Variants in USH2A observed in about 807,000 individuals in gnomAD.
USH2A encodes the protein usherin.
In USH2A, 443 loss-of-function variants were observed where a neutral mutation model predicts 538.9. That is an observed-to-expected ratio of 0.82 (90% confidence interval 0.76 to 0.89). USH2A has a LOEUF of 0.89. Ranked by LOEUF, USH2A falls within the 40% of genes least tolerant of loss-of-function variation. The pLI is 0.00. For missense variants in USH2A, 6,633 were observed against 6,324.8 expected, an observed-to-expected ratio of 1.05 and a Z score of -1.65; for synonymous variants, 2,413 against 2,273.5, an observed-to-expected ratio of 1.06 and a Z score of -1.75.
chr1:215,786,487 A>C (rs1211028639), intron 52 of USH2A, among the ~76,000 whole-genome samples, 183 bp downstream of exon 52: 1 of 152,248 alleles, frequency 6.6e-6, no homozygotes, highest in Non-Finnish European at 1.5e-5. Flanking sequence ...ATTTTAAAGT[A>C]CTGACTTTGA....
intron 3 of USH2A, among the ~76,000 whole-genome samples, chr1:216,377,504 T>C (rs982293839): frequency 6.6e-6 from 1 of 152,158 alleles, no homozygotes; most frequent in Non-Finnish European, 1.5e-5. Flanking sequence ...GATAGTGGCA[T>C]TGATTTAGAC....
At chr1:215,997,165 G>A (rs1338526164) in intron 34 of USH2A, among the ~76,000 whole-genome samples, 6 of 152,116 alleles carry the variant, frequency 3.9e-5, no homozygotes, top group Non-Finnish European at 8.8e-5. Flanking sequence ...ACAGAGTTAA[G>A]TAAAAACCCT....
chr1:215,688,832 G>C lies in USH2A; in HGVS notation c.12067-8456C>G, dbSNP rs1227472212. Among the ~76,000 whole-genome samples the C allele has an allele frequency of 2.0e-5, 3 of 152,048 alleles. No individual in the cohort carries two copies. In the East Asian group the frequency reaches 5.8e-4, roughly 29 times the overall value. ...AGTCACCTTGGGGGTTAGGGCTCCA[G>C]TGTATGCATTTTGGGAGGAACACAA... On this transcript the variant is annotated intron_variant, in intron 61 of 71. Transcript: ENST00000307340.
In USH2A at chr1:216,292,145, A is replaced by G. The variant is rs369333358; in HGVS notation, c.1840+30T>C. ...GTAGATAGAAGCACACAGGCCTCCA[A>G]ACCAACTCAGGAATTTATTTGCTAC... On this transcript the variant is annotated intron_variant, in intron 10 of 71. Coordinates refer to ENST00000307340, the MANE Select transcript of USH2A (RefSeq NM_206933.4). The G allele has an allele frequency of 2.4e-5, 39 of 1,613,118 alleles. No individual in the cohort carries two copies. In the African/African-American group the frequency reaches 5.2e-4, roughly 21 times the overall value.
At chr1:215,634,417 G>T (rs1656405664) in intron 70 of USH2A, 42 bp downstream of exon 70, 6 of 1,613,706 alleles carry the variant, frequency 3.7e-6, no homozygotes, top group Non-Finnish European at 5.1e-6. Context: ...AAGTATTCTA[G>T]TCCAGTGATA....
Position 215,629,115 on chromosome 1 carries a change from T to C in USH2A, c.15298-80A>G, listed in dbSNP as rs180958836. The stretch of plus-strand genomic sequence containing the variant: ...ATGACAGAGAATTGTGTCTCACACA[T>C]TGTCAGTGAAGGGAATGACTGTCTC... On this transcript the variant is annotated intron_variant, in intron 70 of 71. Coordinates refer to ENST00000307340, the MANE Select transcript of USH2A (RefSeq NM_206933.4). 253 of 1,383,142 alleles carry C rather than the reference T, an allele frequency of 1.8e-4. 1 individual carries two copies. The highest frequency in any genetic ancestry group is 1.5e-3 in the Middle Eastern group (6 of 4,032). The allele number at this position is 1,383,142 out of a possible 1,614,324, so 85.7% of individuals were successfully genotyped here.
In USH2A at chr1:215,875,109, G is replaced by A. The variant is rs569280830; in HGVS notation, c.8681+2649C>T. On this transcript the variant is annotated intron_variant, in intron 43 of 71. Transcript: ENST00000307340. ...ACCAAACAAAATCACTTCCTTTAAA[G>A]AGAAAAATATCCTGCCCGCCAGGGG... Among the ~76,000 whole-genome samples the A allele has an allele frequency of 2.2e-4, 34 of 152,244 alleles. 1 individual carries two copies. The highest frequency in any genetic ancestry group is 7.9e-4 in the African/African-American group (33 of 41,558).
intron 47 of USH2A, among the ~76,000 whole-genome samples, chr1:215,836,539 TATAATATATATATATATATATATA>T (rs1663528515): frequency 7.7e-5 from 2 of 25,970 alleles, no homozygotes; most frequent in Non-Finnish European, 6.5e-5. Context: ...TATATATATA[TATAATATATATATATATATATATA>T]TATTTTTTTT....
intron 9 of USH2A, among the ~76,000 whole-genome samples, chr1:216,321,132 C>A (rs1183338374): frequency 1.3e-5 from 2 of 152,058 alleles, no homozygotes; most frequent in Non-Finnish European, 2.9e-5. Context: ...TATTTTCTTG[C>A]AAATTAGCAG....
chr1:215,643,694 T>C, intron 67 of USH2A, among the ~76,000 whole-genome samples: 1 of 150,700 alleles, frequency 6.6e-6, no homozygotes, highest in South Asian at 2.1e-4. Context: ...CCTGGCTATT[T>C]AAAAAAAAAA....
chr1:215,737,041 A>G (rs1571635037), intron 60 of USH2A, among the ~76,000 whole-genome samples: 2 of 151,948 alleles, frequency 1.3e-5, no homozygotes, highest in East Asian at 3.8e-4. Context: ...GGTAACGAAA[A>G]CTTGAAAATC....
chr1:216,107,594 T>C (rs1418085021), intron 21 of USH2A, among the ~76,000 whole-genome samples: 1 of 151,832 alleles, frequency 6.6e-6, no homozygotes, highest in Admixed American at 6.6e-5. Flanking sequence ...TGTTGTGTTA[T>C]GTGCATTTAT....
chr1:215,746,506 A>G (rs2364865), intron 58 of USH2A, among the ~76,000 whole-genome samples: 61,976 of 152,026 alleles, frequency 0.41, 12,830 homozygotes, highest in Admixed American at 0.47. Context: ...GGTGGTAAGA[A>G]GAATTTCTTC....
At chr1:215,772,849 T>C (rs112388174) in intron 55 of USH2A, among the ~76,000 whole-genome samples, 2,275 of 152,306 alleles carry the variant, frequency 0.015, 35 homozygotes, top group Non-Finnish European at 0.019. Flanking sequence ...TCCATCAGCA[T>C]GTTTAGTGAT....
intron 4 of USH2A, among the ~76,000 whole-genome samples, chr1:216,329,071 C>T (rs904271737): frequency 1.3e-5 from 2 of 152,120 alleles, no homozygotes; most frequent in Non-Finnish European, 2.9e-5. Context: ...CTCTGACTTT[C>T]CCGTAGGGAG....
Position 215,990,923 on chromosome 1 carries a change from G to A in USH2A, c.6805+2097C>T, listed in dbSNP as rs1339674807. On this transcript the variant is annotated intron_variant, in intron 35 of 71. Coordinates refer to ENST00000307340, the MANE Select transcript of USH2A (RefSeq NM_206933.4). ...ACTACAGGCACCTGCCACTATGCCC[G>A]GCTAATTTTTTGTATTTTTAGTAGA... Among the ~76,000 whole-genome samples the A allele has an allele frequency of 4.6e-5, 7 of 151,730 alleles. No individual in the cohort carries two copies. In the East Asian group the frequency reaches 5.8e-4, roughly 13 times the overall value.
intron 9 of USH2A, among the ~76,000 whole-genome samples, chr1:216,304,702 T>C (rs55855142): frequency 0.014 from 2,112 of 152,178 alleles, 15 homozygotes; most frequent in South Asian, 0.026. Flanking sequence ...GAGGTTTTGA[T>C]AGGTTGTGTC....
chr1:215,685,248 C>G (rs890445513), intron 61 of USH2A, among the ~76,000 whole-genome samples: 1 of 151,768 alleles, frequency 6.6e-6, no homozygotes, highest in African/African-American at 2.4e-5. Context: ...GATTTTTCCT[C>G]TCCATTTATA....
At chr1:215,851,938 C>T (rs1194318520) in intron 44 of USH2A, among the ~76,000 whole-genome samples, 1 of 152,088 alleles carries the variant, frequency 6.6e-6, no homozygotes, top group Non-Finnish European at 1.5e-5. Flanking sequence ...AAACAAAAAT[C>T]ACATGATCAT....
Sources: allele counts gnomAD v4.1 joint callset (sites outside exome capture counted in the v4.1 genomes callset), GRCh38; gene constraint gnomAD v4.1.1; transcripts MANE v1.5; gene names NCBI Gene and HGNC (gene_info 2026-07-23, HGNC 2026-07-21).